Variants in KCNIP4 observed in about 807,000 individuals in gnomAD.
KCNIP4 encodes the protein Kv channel-interacting protein 4.
KCNIP4 carries 12 observed loss-of-function variants against 34.0 expected under a neutral mutation model. The observed-to-expected ratio is 0.35, with a 90% CI of 0.23 to 0.57. The LOEUF (loss-of-function observed/expected upper bound fraction) is 0.57. Among genes scored for constraint, KCNIP4 ranks in the 20% least tolerant of loss-of-function variants. KCNIP4 has a pLI of 0.83. For synonymous variants in KCNIP4, 124 were observed against 102.2 expected (o/e 1.21, Z -1.29); for missense variants, 238 against 311.7 (o/e 0.76, Z 1.78).
intron 1 of KCNIP4, among the ~76,000 whole-genome samples, chr4:21,913,943 A>G (rs1378846620): frequency 1.3e-5 from 2 of 152,108 alleles, no homozygotes; most frequent in African/African-American, 2.4e-5. Flanking sequence ...GGAGGGATGT[A>G]GGAAAGTGGA....
intron 1 of KCNIP4, among the ~76,000 whole-genome samples, chr4:20,902,083 T>C (rs1727212065): frequency 6.6e-6 from 1 of 152,212 alleles, no homozygotes. Flanking sequence ...TCTGGACTTT[T>C]CACCACAGAG....
Position 21,116,930 on chromosome 4 carries a change from C to T in KCNIP4, c.62-234221G>A, listed in dbSNP as rs968596924. 2.6e-5 allele frequency among the ~76,000 whole-genome samples: 4 copies of T among 152,120 alleles called. No homozygotes were observed. The South Asian group carries it at 8.3e-4, about 32-fold the overall frequency. On this transcript the variant is annotated intron_variant, in intron 1 of 8. Coordinates refer to ENST00000382152, the MANE Select transcript of KCNIP4 (RefSeq NM_025221.6). ...TGTTTTATTTATTTTTTCTCTATCCCCACAGGGCTTAGTGTTAATTGAAAT... is the reference window on the plus strand; with the variant it reads ...TGTTTTATTTATTTTTTCTCTATCCTCACAGGGCTTAGTGTTAATTGAAAT...
chr4:21,582,139 T>C (rs1560534708), intron 1 of KCNIP4: 1 of 144,368 alleles, frequency 6.9e-6, no homozygotes, highest in East Asian at 2.0e-4. Context: ...AAACATATTT[T>C]TGAAATCATT....
At position 21,471,281 on chromosome 4, in the gene KCNIP4, G is replaced by A. The variant is rs79462423; in HGVS notation, c.61+477290C>T. ...AATGCTTCCTTCCTCTGGAGAAAGC[G>A]ATAGTAATTCAGATTCTCTTCCCTC... On this transcript the variant is annotated intron_variant, in intron 1 of 8. Transcript: ENST00000382152. Among the ~76,000 whole-genome samples, 1,272 of 152,220 alleles carry A rather than the reference G, an allele frequency of 8.4e-3. 17 individuals carry two copies. The highest frequency in any genetic ancestry group is 0.028 in the African/African-American group (1,166 of 41,538).
At chr4:21,786,855 G>A (rs1298655311) in intron 1 of KCNIP4, among the ~76,000 whole-genome samples, 1 of 151,798 alleles carries the variant, frequency 6.6e-6, no homozygotes, top group East Asian at 1.9e-4. Flanking sequence ...CTGAGCCACC[G>A]TGCCCCGCCG....
chr4:21,366,746 G>C (rs1392641967), intron 1 of KCNIP4, among the ~76,000 whole-genome samples: 1 of 152,066 alleles, frequency 6.6e-6, no homozygotes, highest in Non-Finnish European at 1.5e-5. Context: ...GAAAGCAGTA[G>C]AATGAGGAAC....
chr4:20,850,561 A>C lies in KCNIP4; in HGVS notation c.270T>G (p.Leu90=), dbSNP rs1720903144. 1 of 1,612,756 alleles carries C rather than the reference A, an allele frequency of 6.2e-7. No homozygotes were observed. Among genetic ancestry groups the C allele is most frequent in the Non-Finnish European group, 8.5e-7 (1 of 1,179,712 alleles). ...TTCTTACATTCTTAAATCCTCTGTA[A>C]AGGATCTGAAGCTCTTTCTTGGTAA... ...SKFTKKELQI[L]YRGFKNECPS... Residue 90 remains leucine, a synonymous_variant, in exon 3 of 9, where the codon CTT becomes CTG. Transcript: ENST00000382152.
chr4:20,886,945 C>A (rs1440416376), intron 1 of KCNIP4, among the ~76,000 whole-genome samples: 1 of 151,682 alleles, frequency 6.6e-6, no homozygotes, highest in Non-Finnish European at 1.5e-5. Flanking sequence ...GACCCATAAT[C>A]AAGAAAAAAG....
intron 1 of KCNIP4, among the ~76,000 whole-genome samples, chr4:21,719,209 G>A (rs1469444636): frequency 6.6e-6 from 1 of 152,142 alleles, no homozygotes; most frequent in Non-Finnish European, 1.5e-5. Flanking sequence ...AAGTAAGTAA[G>A]GAGAAGGAAA....
chr4:20,843,690 A>G (rs1720026863), intron 3 of KCNIP4, among the ~76,000 whole-genome samples: 1 of 152,166 alleles, frequency 6.6e-6, no homozygotes, highest in South Asian at 2.1e-4. Flanking sequence ...AGATCGCGCC[A>G]CTGCATTCCA....
At chr4:21,811,931 A>C (rs748460519) in intron 1 of KCNIP4, among the ~76,000 whole-genome samples, 6 of 152,218 alleles carry the variant, frequency 3.9e-5, no homozygotes, top group African/African-American at 9.6e-5. Flanking sequence ...TTGCCTTGAA[A>C]TTCTAAATAT....
At chr4:21,704,698 A>C (rs1001730313) in intron 1 of KCNIP4, among the ~76,000 whole-genome samples, 1 of 152,184 alleles carries the variant, frequency 6.6e-6, no homozygotes, top group African/African-American at 2.4e-5. Context: ...ACATAAAATC[A>C]AAAATGGTGT....
chr4:21,696,629 A>T (rs1422250470), intron 1 of KCNIP4, among the ~76,000 whole-genome samples: 2 of 152,174 alleles, frequency 1.3e-5, no homozygotes, highest in Non-Finnish European at 2.9e-5. Flanking sequence ...TAATTTAATG[A>T]CGGCATTGCC....
intron 1 of KCNIP4, among the ~76,000 whole-genome samples, chr4:21,145,278 T>C (rs1266850227): frequency 6.6e-6 from 1 of 152,178 alleles, no homozygotes; most frequent in Non-Finnish European, 1.5e-5. Flanking sequence ...TTTCCATTTT[T>C]AGTAAAGGAA....
chr4:21,869,779 T>TAGACAGACAGAC (rs1330509204), intron 1 of KCNIP4, among the ~76,000 whole-genome samples: 50 of 121,844 alleles, frequency 4.1e-4, no homozygotes, highest in African/African-American at 1.4e-3. Flanking sequence ...GATAGATAGA[T>TAGACAGACAGAC]AGATAGACAG....
chr4:21,585,128 T>C (rs1314961494), intron 1 of KCNIP4, among the ~76,000 whole-genome samples: 1 of 152,042 alleles, frequency 6.6e-6, no homozygotes, highest in Admixed American at 6.6e-5. Context: ...TATAGAATGT[T>C]CAGTGACCCC....
chr4:21,714,184 T>G (rs1169659196), intron 1 of KCNIP4, among the ~76,000 whole-genome samples: 1 of 152,156 alleles, frequency 6.6e-6, no homozygotes, highest in Non-Finnish European at 1.5e-5. Flanking sequence ...ATAAACTCTC[T>G]CTCAAGATTA....
intron 1 of KCNIP4, among the ~76,000 whole-genome samples, chr4:21,300,058 G>C (rs1764070906): frequency 6.6e-6 from 1 of 152,098 alleles, no homozygotes; most frequent in Non-Finnish European, 1.5e-5. Context: ...AGTCATGTGT[G>C]ATAATGCATT....
At chr4:20,914,075 T>C (rs1390573833) in intron 1 of KCNIP4, among the ~76,000 whole-genome samples, 1 of 151,968 alleles carries the variant, frequency 6.6e-6, no homozygotes, top group East Asian at 1.9e-4. Context: ...GAGAATCGCT[T>C]GAACCCGGGA....
Sources: gnomAD v4.1 joint callset for allele counts (sites outside exome capture counted in the v4.1 genomes callset) on GRCh38, gnomAD v4.1.1 for gene constraint, MANE v1.5 for transcripts, NCBI Gene and HGNC (gene_info 2026-07-23, HGNC 2026-07-21) for gene names.